Variants in RBFOX3 observed in about 807,000 individuals in gnomAD.
RBFOX3 encodes RNA binding fox-1 homolog 3, also known as RNA binding protein fox-1 homolog 3.
Under a neutral mutation model 48.7 loss-of-function variants are expected in RBFOX3, and 17 were observed. The ratio of observed to expected loss-of-function variants is 0.35; its 90% CI spans 0.24 to 0.52. The LOEUF (loss-of-function observed/expected upper bound fraction) is 0.52. Ranked by LOEUF, RBFOX3 falls within the 20% of genes least tolerant of loss-of-function variation. The pLI, the probability that RBFOX3 is intolerant of heterozygous loss-of-function variation, is 0.94. For synonymous variants in RBFOX3, 212 were observed against 209.5 expected (o/e 1.01, Z -0.10); for missense variants, 382 against 497.5 (o/e 0.77, Z 2.21).
Position 79,489,240 on chromosome 17 carries a change from T to TAA in RBFOX3, c.-319-6644_-319-6643dup, listed in dbSNP as rs71161671. ...TAGCCTTCTAGTCCTGCCAGAAAGT[T>TAA]AAAAAAAAAAAAAAAAAAAAAAGAA... On this transcript the variant is annotated intron_variant, in intron 1 of 14. Transcript: ENST00000693108. Among the ~76,000 whole-genome samples the TAA allele has an allele frequency of 0.03, 3,804 of 126,344 alleles. 265 individuals carry two copies. In the East Asian group the frequency reaches 0.34, roughly 11 times the overall value. 82.9% of individuals were successfully genotyped at this position (126,344 alleles called of 152,430 possible).
chr17:79,250,293 C>T (rs2063747349), intron 3 of RBFOX3, among the ~76,000 whole-genome samples: 1 of 152,168 alleles, frequency 6.6e-6, no homozygotes, highest in Non-Finnish European at 1.5e-5. Flanking sequence ...GCAGATTGTG[C>T]CTGTATCGAC....
chr17:79,378,147 GT>G (rs1245585816), intron 2 of RBFOX3, among the ~76,000 whole-genome samples: 15 of 152,166 alleles, frequency 9.9e-5, no homozygotes, highest in African/African-American at 3.6e-4. Flanking sequence ...CGCATCAGGG[GT>G]CCCAGCGGGT....
At chr17:79,281,734 C>T (rs2070579334) in intron 3 of RBFOX3, among the ~76,000 whole-genome samples, 1 of 152,382 alleles carries the variant, frequency 6.6e-6, no homozygotes, top group Admixed American at 6.5e-5. Flanking sequence ...AACTGCCTTC[C>T]TCAAGGGCTT....
intron 1 of RBFOX3, among the ~76,000 whole-genome samples, chr17:79,579,049 C>A (rs1489516361): frequency 2.0e-5 from 3 of 152,246 alleles, no homozygotes; most frequent in African/African-American, 7.2e-5. Flanking sequence ...TCCCATGCGT[C>A]TCCGTCGCGT....
At position 79,095,532 on chromosome 17, in the gene RBFOX3, C is replaced by A; in HGVS notation, c.979G>T (p.Ala327Ser). Residue 327 changes from alanine to serine, a missense_variant, in exon 13 of 15, where the codon GCG becomes TCG. Physicochemically the swap from Ala to Ser is moderately conservative, Grantham distance 99 (BLOSUM62 1). Coordinates refer to ENST00000693108, the MANE Select transcript of RBFOX3 (RefSeq NM_001350451.2). The part of the protein sequence containing the change: ...AYRYAQPAAA[A>S]AAYSDSYGRV... ...CCTCACCTGTCGCTGTAGGCTGCCG[C>A]CGCTGCAGCGGGCTGAGCGTATCTG... 1 of 1,551,386 alleles carries A rather than the reference C, an allele frequency of 6.4e-7. No individual in the cohort carries two copies. Among genetic ancestry groups the A allele is most frequent in the Non-Finnish European group, 8.7e-7 (1 of 1,146,778 alleles).
At chr17:79,521,273 C>G (rs2086042633) in intron 1 of RBFOX3, among the ~76,000 whole-genome samples, 1 of 129,984 alleles carries the variant, frequency 7.7e-6, no homozygotes, top group South Asian at 2.2e-4. Flanking sequence ...GACACACGCA[C>G]AGACACATGC....
At position 79,127,425 on chromosome 17, in the gene RBFOX3, G is replaced by A. The variant is rs143809439; in HGVS notation, c.-33-11677C>T. ...AGGGAGGAGAGGAGGTGGGAAGAAC[G>A]GAGGAACAGAAGAACAGGCATTTCT... On this transcript the variant is annotated intron_variant, in intron 4 of 14. Transcript: ENST00000693108. Among the ~76,000 whole-genome samples, 394 of 152,336 alleles carry A rather than the reference G, an allele frequency of 2.6e-3. 1 individual carries two copies. The highest frequency in any genetic ancestry group is 8.7e-3 in the African/African-American group (361 of 41,574).
At chr17:79,476,345 A>G (rs2077751506) in intron 2 of RBFOX3, among the ~76,000 whole-genome samples, 1 of 152,260 alleles carries the variant, frequency 6.6e-6, no homozygotes, top group South Asian at 2.1e-4. Flanking sequence ...TAAAGTCACC[A>G]AGGAAAAATA....
At chr17:79,120,737 G>GAAGGGTGGGTGGGTGGATGA in intron 4 of RBFOX3, among the ~76,000 whole-genome samples, 1 of 151,682 alleles carries the variant, frequency 6.6e-6, no homozygotes, top group Admixed American at 6.6e-5. Flanking sequence ...TGGGTGGATG[G>GAAGGGTGGGTGGGTGGATGA]ATGGACAGAT....
intron 3 of RBFOX3, among the ~76,000 whole-genome samples, chr17:79,270,657 C>T (rs4789985): frequency 6.6e-6 from 1 of 152,130 alleles, no homozygotes; most frequent in Non-Finnish European, 1.5e-5. Flanking sequence ...CCAGGTGCAG[C>T]GCCTGCAAAG....
At chr17:79,521,336 A>C (rs1471127397) in intron 1 of RBFOX3, among the ~76,000 whole-genome samples, 2 of 151,878 alleles carry the variant, frequency 1.3e-5, no homozygotes, top group Admixed American at 6.6e-5. Flanking sequence ...ATTCATACAC[A>C]CATTCACACA....
At chr17:79,523,334 G>T (rs980833957) in intron 1 of RBFOX3, among the ~76,000 whole-genome samples, 37 of 152,192 alleles carry the variant, frequency 2.4e-4, no homozygotes, top group Admixed American at 6.5e-5. Context: ...AAAAAGCAAA[G>T]TTTAAATGTC....
At chr17:79,104,968 G>A (rs1031156807) in intron 6 of RBFOX3, among the ~76,000 whole-genome samples, 9 of 55,696 alleles carry the variant, frequency 1.6e-4, no homozygotes, top group Admixed American at 1.2e-3. Flanking sequence ...CGCTCTAGCT[G>A]CCTTCTTCCC....
intron 2 of RBFOX3, among the ~76,000 whole-genome samples, chr17:79,406,848 T>A (rs1166816384): frequency 6.6e-6 from 1 of 152,042 alleles, no homozygotes; most frequent in Non-Finnish European, 1.5e-5. Context: ...GGGGACAATA[T>A]TTGGGGGATG....
At position 79,436,367 on chromosome 17, in the gene RBFOX3, A is replaced by G. The variant is rs112144050; in HGVS notation, c.-175+46087T>C. 3.7e-3 allele frequency among the ~76,000 whole-genome samples: 564 copies of G among 152,372 alleles called. 3 individuals carry two copies. The highest frequency in any genetic ancestry group is 0.013 in the African/African-American group (528 of 41,598). ...CTTGGGTGCAGCTGGACAGAGGGGC[A>G]TGGCCCCGGGTGCACCTAAGCATGA... On this transcript the variant is annotated intron_variant, in intron 2 of 14. Coordinates refer to ENST00000693108, the MANE Select transcript of RBFOX3 (RefSeq NM_001350451.2).
intron 5 of RBFOX3, among the ~76,000 whole-genome samples, chr17:79,114,380 C>T (rs1057337846): frequency 2.0e-5 from 3 of 152,138 alleles, no homozygotes; most frequent in Non-Finnish European, 2.9e-5. Context: ...GGGGCAGATT[C>T]GGGCTGGGCG....
chr17:79,472,692 G>T (rs1354149459), intron 2 of RBFOX3, among the ~76,000 whole-genome samples: 1 of 152,136 alleles, frequency 6.6e-6, no homozygotes, highest in Non-Finnish European at 1.5e-5. Context: ...CACCATGGCA[G>T]CCCAAGCCGA....
intron 2 of RBFOX3, among the ~76,000 whole-genome samples, chr17:79,398,122 T>C (rs1454311454): frequency 6.6e-6 from 1 of 152,018 alleles, no homozygotes; most frequent in East Asian, 1.9e-4. Context: ...TGAGCAGCAA[T>C]TAGAGCCCAA....
rs564701959 is a variant in RBFOX3, at chr17:79,131,042, A to G, written c.-33-15294T>C. Among the ~76,000 whole-genome samples, 64 of 148,658 alleles carry G rather than the reference A, an allele frequency of 4.3e-4. 1 individual carries two copies. The highest frequency in any genetic ancestry group is 3.4e-4 in the Non-Finnish European group (23 of 67,244). ...TGTGCCCCATGTGTGCTGTGCCCCC[A>G]TGTACTTGTGTGTACCGTGAGCCAT... is the stretch of plus-strand genomic sequence containing the variant. On this transcript the variant is annotated intron_variant, in intron 4 of 14. Coordinates refer to ENST00000693108, the MANE Select transcript of RBFOX3 (RefSeq NM_001350451.2).
Sources: gnomAD v4.1 joint callset for allele counts (sites outside exome capture counted in the v4.1 genomes callset) on GRCh38, gnomAD v4.1.1 for gene constraint, MANE v1.5 for transcripts, NCBI Gene and HGNC (gene_info 2026-07-23, HGNC 2026-07-21) for gene names.